SENP7: variants seen among roughly 807,000 people sequenced by gnomAD.
The protein encoded by SENP7 is sentrin-specific protease 7.
A neutral mutation model predicts 141.2 loss-of-function variants in SENP7; 64 were observed. The ratio of observed to expected loss-of-function variants is 0.45; its 90% CI spans 0.37 to 0.56. The LOEUF is 0.56. SENP7 is among the 20% of genes least tolerant of loss of function. The pLI is 0.00. For missense variants in SENP7, 1,025 were observed against 1,212.2 expected (o/e 0.85, Z 2.29); for synonymous variants, 382 against 426.4 (o/e 0.90, Z 1.28).
chr3:101,395,742 T>C (rs964862426), intron 6 of SENP7, among the ~76,000 whole-genome samples: 1 of 152,218 alleles, frequency 6.6e-6, no homozygotes, highest in East Asian at 1.9e-4. Flanking sequence ...AACAAAGCCA[T>C]AACAATTGCT....
chr3:101,479,892 C>CAAAAAA (rs1168285268), intron 3 of SENP7, among the ~76,000 whole-genome samples: 6 of 7,346 alleles, frequency 8.2e-4, no homozygotes, highest in South Asian at 6.9e-3. Context: ...ACAACAGCTA[C>CAAAAAA]AAAAAAAAAA....
chr3:101,398,839 G>C, intron 6 of SENP7, 22 bp downstream of exon 6: 2 of 1,457,334 alleles, frequency 1.4e-6, no homozygotes, highest in Non-Finnish European at 1.9e-6. Flanking sequence ...ATTATTTTGA[G>C]TAAAGTTATC....
chr3:101,327,234 G>C (rs1196980368), intron 23 of SENP7, among the ~76,000 whole-genome samples: 1 of 151,914 alleles, frequency 6.6e-6, no homozygotes, highest in Non-Finnish European at 1.5e-5. Context: ...CAGTGATATA[G>C]TTTTGCTGTG....
At chr3:101,390,055 A>G (rs1161309084) in intron 6 of SENP7, among the ~76,000 whole-genome samples, 4 of 151,994 alleles carry the variant, frequency 2.6e-5, no homozygotes, top group Non-Finnish European at 5.9e-5. Flanking sequence ...CCCCATCTCT[A>G]CTAAAAATAC....
intron 3 of SENP7, among the ~76,000 whole-genome samples, chr3:101,463,947 C>G (rs758508729): frequency 2.6e-5 from 4 of 152,120 alleles, no homozygotes; most frequent in Non-Finnish European, 4.4e-5. Flanking sequence ...GCCTCAGCCT[C>G]CCAAGTAGTT....
intron 1 of SENP7, among the ~76,000 whole-genome samples, chr3:101,505,934 A>G (rs763942854): frequency 3.3e-5 from 5 of 152,054 alleles, no homozygotes; most frequent in Non-Finnish European, 4.4e-5. Flanking sequence ...ATATAGGAAA[A>G]TCTCTCCAAT....
Position 101,366,597 on chromosome 3 carries a change from C to T in SENP7, c.1151G>A (p.Ser384Asn). ...TTCAGTGGTTGAACCGGCAGAGGCA[C>T]TTTTGGTGGCATTACTCAAAGTCAA... ...QELTLSNATK[S>N]ASAGSTTETV... Residue 384 changes from serine to asparagine, a missense_variant, in exon 9 of 24, where the codon AGT becomes AAT. Ser to Asn is a conservative substitution (Grantham distance 46). Coordinates refer to ENST00000394095, the MANE Select transcript of SENP7 (RefSeq NM_020654.5). 6.2e-7 allele frequency: 1 copy of T among 1,613,904 alleles called. No individual in the cohort carries two copies. Among genetic ancestry groups the T allele is most frequent in the Non-Finnish European group, 8.5e-7 (1 of 1,179,856 alleles).
At chr3:101,403,090 A>G (rs1053175004) in intron 5 of SENP7, among the ~76,000 whole-genome samples, 19 of 152,326 alleles carry the variant, frequency 1.2e-4, no homozygotes, top group African/African-American at 4.6e-4. Context: ...TGAAGTTCAC[A>G]TTTTCACTTA....
chr3:101,341,388 T>G (rs1183130451), intron 15 of SENP7, among the ~76,000 whole-genome samples: 2 of 152,228 alleles, frequency 1.3e-5, no homozygotes, highest in East Asian at 3.8e-4. Context: ...ATGTTTTTAA[T>G]AAACACTTTA....
At chr3:101,419,323 T>G (rs2061717192) in intron 4 of SENP7, among the ~76,000 whole-genome samples, 1 of 152,178 alleles carries the variant, frequency 6.6e-6, no homozygotes, top group African/African-American at 2.4e-5. Context: ...GATGTGAGAC[T>G]TTATGTCAAC....
intron 10 of SENP7, among the ~76,000 whole-genome samples, chr3:101,362,285 T>C (rs1297105656): frequency 2.6e-5 from 4 of 152,204 alleles, no homozygotes; most frequent in Non-Finnish European, 5.9e-5. Context: ...GGTTTTTCAG[T>C]TTCCCATTTC....
intron 1 of SENP7, among the ~76,000 whole-genome samples, chr3:101,510,573 C>A (rs1240558475): frequency 6.6e-6 from 1 of 152,144 alleles, no homozygotes; most frequent in Non-Finnish European, 1.5e-5. Flanking sequence ...CACTTCATGG[C>A]CGGGCACGGT....
At chr3:101,399,593 A>C (rs1178166316) in intron 5 of SENP7, among the ~76,000 whole-genome samples, 1 of 152,256 alleles carries the variant, frequency 6.6e-6, no homozygotes, top group Non-Finnish European at 1.5e-5. Context: ...CTAATATGTA[A>C]TAGCATCAGG....
chr3:101,491,465 C>T (rs2064964353), intron 3 of SENP7, among the ~76,000 whole-genome samples: 1 of 149,562 alleles, frequency 6.7e-6, no homozygotes. Context: ...GCTATATTTC[C>T]TAGGCTGGTC....
intron 6 of SENP7, among the ~76,000 whole-genome samples, chr3:101,384,615 T>C (rs1464754303): frequency 2.6e-5 from 4 of 152,234 alleles, no homozygotes; most frequent in African/African-American, 7.2e-5. Flanking sequence ...TGCCTGGCTG[T>C]GCACAGTGGC....
intron 6 of SENP7, among the ~76,000 whole-genome samples, chr3:101,395,488 T>C (rs983738677): frequency 4.6e-5 from 7 of 152,232 alleles, no homozygotes; most frequent in African/African-American, 1.7e-4. Flanking sequence ...TTCTGTTCCG[T>C]TGGCCTATGG....
At chr3:101,426,458 G>C (rs866955950) in intron 4 of SENP7, among the ~76,000 whole-genome samples, 1 of 150,900 alleles carries the variant, frequency 6.6e-6, no homozygotes, top group South Asian at 2.1e-4. Flanking sequence ...GCCAAACTAA[G>C]CTTCATAAGT....
At chr3:101,385,841 A>G (rs78797242) in intron 6 of SENP7, among the ~76,000 whole-genome samples, 1 of 152,198 alleles carries the variant, frequency 6.6e-6, no homozygotes, top group Non-Finnish European at 1.5e-5. Flanking sequence ...TGTAAAAACT[A>G]AAAAAGGTAG....
intron 4 of SENP7, among the ~76,000 whole-genome samples, chr3:101,430,443 C>G (rs923617025): frequency 6.6e-6 from 1 of 152,118 alleles, no homozygotes; most frequent in Admixed American, 6.5e-5. Flanking sequence ...GGAATTTATC[C>G]ATTTCTTCTA....
Sources: allele counts gnomAD v4.1 joint callset (sites outside exome capture counted in the v4.1 genomes callset), GRCh38; gene constraint gnomAD v4.1.1; transcripts MANE v1.5; gene names NCBI Gene and HGNC (gene_info 2026-07-23, HGNC 2026-07-21).